DCC: variants seen among roughly 807,000 people sequenced by gnomAD.
The protein encoded by DCC is DCC netrin 1 receptor.
A neutral mutation model predicts 172.5 loss-of-function variants in DCC; 58 were observed. The observed-to-expected ratio is 0.34, with a 90% CI of 0.27 to 0.42. The LOEUF (loss-of-function observed/expected upper bound fraction) is 0.42. Ranked by LOEUF, DCC falls within the 10% of genes least tolerant of loss-of-function variation. DCC has a pLI of 1.00. For synonymous variants in DCC, 709 were observed against 644.5 expected (o/e 1.10, Z -1.52); for missense variants, 1,740 against 1,791.0 (o/e 0.97, Z 0.51).
chr18:52,882,192 G>A (rs2039496545), intron 2 of DCC, among the ~76,000 whole-genome samples: 1 of 149,078 alleles, frequency 6.7e-6, no homozygotes, highest in African/African-American at 2.4e-5. Flanking sequence ...GTTGTTTTAG[G>A]GATCCTTTAG....
intron 7 of DCC, among the ~76,000 whole-genome samples, chr18:53,121,502 T>G (rs1033959911): frequency 4.0e-5 from 6 of 151,894 alleles, no homozygotes; most frequent in Non-Finnish European, 8.8e-5. Context: ...TACGTAAACT[T>G]CCAATCATAC....
intron 5 of DCC, among the ~76,000 whole-genome samples, chr18:52,955,332 C>G (rs530502770): frequency 6.6e-6 from 1 of 151,930 alleles, no homozygotes; most frequent in African/African-American, 2.4e-5. Context: ...TTAAAATTGG[C>G]TTCTTTCACT....
At chr18:52,581,687 T>G (rs965745950) in intron 1 of DCC, among the ~76,000 whole-genome samples, 4 of 151,938 alleles carry the variant, frequency 2.6e-5, no homozygotes, top group African/African-American at 7.3e-5. Context: ...CACCCCTTCA[T>G]TTTTTTTAGC....
At chr18:52,910,295 G>GTT (rs918822148) in intron 3 of DCC, among the ~76,000 whole-genome samples, 1 of 152,006 alleles carries the variant, frequency 6.6e-6, no homozygotes, top group African/African-American at 2.4e-5. Flanking sequence ...GTGTTACTGT[G>GTT]TTTAAAACAA....
At chr18:52,517,749 C>T (rs751949197) in intron 1 of DCC, among the ~76,000 whole-genome samples, 10 of 152,292 alleles carry the variant, frequency 6.6e-5, no homozygotes, top group South Asian at 2.1e-4. Context: ...CTTGTTCCCA[C>T]TTTTCTAATT....
intron 22 of DCC, among the ~76,000 whole-genome samples, chr18:53,446,849 CT>C (rs1432011416): frequency 6.6e-6 from 1 of 151,932 alleles, no homozygotes; most frequent in Admixed American, 6.6e-5. Flanking sequence ...CCATTTTTTT[CT>C]TTTTGTTGGT....
chr18:53,155,531 T>C (rs2054717074), intron 7 of DCC, among the ~76,000 whole-genome samples: 1 of 152,174 alleles, frequency 6.6e-6, no homozygotes, highest in African/African-American at 2.4e-5. Context: ...CATGCACATA[T>C]GTAATAGAAA....
intron 7 of DCC, among the ~76,000 whole-genome samples, chr18:53,129,822 C>T (rs1326216366): frequency 1.3e-5 from 2 of 152,064 alleles, no homozygotes; most frequent in East Asian, 1.9e-4. Context: ...TCTTTGTTAG[C>T]ACTTATGTTT....
chr18:52,541,292 A>T (rs959977646), intron 1 of DCC, among the ~76,000 whole-genome samples: 1 of 152,224 alleles, frequency 6.6e-6, no homozygotes, highest in East Asian at 1.9e-4. Flanking sequence ...TGCTCTATTG[A>T]GCAAAAGCAA....
At chr18:53,091,836 TATCTATCTATCTATCA>T (rs1440210660) in intron 7 of DCC, among the ~76,000 whole-genome samples, 65 of 73,216 alleles carry the variant, frequency 8.9e-4, no homozygotes, top group Middle Eastern at 7.1e-3. Flanking sequence ...TCTATCTATC[TATCTATCTATCTATCA>T]ATCTATCTAT....
chr18:52,612,691 G>T (rs2034297721), intron 1 of DCC, among the ~76,000 whole-genome samples: 2 of 152,118 alleles, frequency 1.3e-5, no homozygotes, highest in Non-Finnish European at 2.9e-5. Context: ...CTTGATGGTT[G>T]TTCCTCTTGT....
At chr18:52,352,562 A>C (rs1401161076) in intron 1 of DCC, among the ~76,000 whole-genome samples, 2 of 152,136 alleles carry the variant, frequency 1.3e-5, no homozygotes, top group Non-Finnish European at 2.9e-5. Flanking sequence ...CTGGTTGACC[A>C]TGTCCATTTT....
chr18:53,224,958 G>C (rs1021956148), intron 12 of DCC, among the ~76,000 whole-genome samples: 3 of 152,146 alleles, frequency 2.0e-5, no homozygotes, highest in Non-Finnish European at 4.4e-5. Flanking sequence ...CACTTAGGGA[G>C]AGACTACAGT....
chr18:52,927,046 C>CGT (rs1568191825), intron 5 of DCC, among the ~76,000 whole-genome samples: 1 of 123,674 alleles, frequency 8.1e-6, no homozygotes, highest in East Asian at 2.3e-4. Flanking sequence ...TATGCCAATA[C>CGT]ATATATATAC....
At chr18:52,554,397 T>G (rs1297006561) in intron 1 of DCC, among the ~76,000 whole-genome samples, 1 of 152,080 alleles carries the variant, frequency 6.6e-6, no homozygotes, top group Non-Finnish European at 1.5e-5. Flanking sequence ...TGGAGTGACA[T>G]TTTCCAGCTT....
At chr18:53,075,068 A>G (rs1261149464) in intron 7 of DCC, among the ~76,000 whole-genome samples, 1 of 149,748 alleles carries the variant, frequency 6.7e-6, no homozygotes, top group Non-Finnish European at 1.5e-5. Flanking sequence ...GATGGATAAA[A>G]TGATAGCTTT....
chr18:53,208,974 A>T (rs1488091437), intron 11 of DCC, among the ~76,000 whole-genome samples: 1 of 151,840 alleles, frequency 6.6e-6, no homozygotes, highest in African/African-American at 2.4e-5. Context: ...CAAGTGATCC[A>T]CCCGCCTTGG....
intron 2 of DCC, among the ~76,000 whole-genome samples, chr18:52,863,775 A>G (rs531903322): frequency 3.9e-5 from 6 of 152,144 alleles, no homozygotes; most frequent in Admixed American, 2.6e-4. Context: ...AGACAAATCT[A>G]GCCATCATCT....
intron 1 of DCC, among the ~76,000 whole-genome samples, chr18:52,447,678 G>C (rs1393944905): frequency 6.6e-6 from 1 of 152,142 alleles, no homozygotes; most frequent in Non-Finnish European, 1.5e-5. Context: ...GATGGCATCT[G>C]CTCAGCTTCT....
Sources: allele counts gnomAD v4.1 joint callset (sites outside exome capture counted in the v4.1 genomes callset), GRCh38; gene constraint gnomAD v4.1.1; transcripts MANE v1.5; gene names NCBI Gene and HGNC (gene_info 2026-07-23, HGNC 2026-07-21).